Variants in TET1 observed in about 807,000 individuals in gnomAD.
TET1 encodes methylcytosine dioxygenase TET1.
In TET1, 13 loss-of-function variants were observed where a neutral mutation model predicts 148.7. That is an observed-to-expected ratio of 0.09 (90% CI 0.06 to 0.14). The LOEUF (loss-of-function observed/expected upper bound fraction) is 0.14. Ranked by LOEUF, TET1 falls within the 10% of genes least tolerant of loss-of-function variation. TET1 has a pLI of 1.00. For synonymous variants in TET1, 907 were observed against 937.2 expected (o/e 0.97, Z 0.59); for missense variants, 2,182 against 2,553.8 (o/e 0.85, Z 3.14).
Position 68,692,814 on chromosome 10 carries a change from G to T in TET1, c.*1000G>T, listed in dbSNP as rs781717384. The T allele has an allele frequency of 1.3e-5, 3 of 231,582 alleles. No homozygotes were observed. In the East Asian group the frequency reaches 1.8e-4, roughly 14 times the overall value. The allele number at this position is 231,582 out of a possible 1,614,324, so 14.3% of individuals were successfully genotyped here. The stretch of plus-strand genomic sequence containing the variant: ...CCTTTCTCAGTATAATCCATGAGAG[G>T]TGTTTCCAAAAGGAGATGAGGGAAC... On this transcript the variant is annotated 3_prime_UTR_variant, in exon 12 of 12. Coordinates refer to ENST00000373644, the MANE Select transcript of TET1 (RefSeq NM_030625.3).
intron 3 of TET1, among the ~76,000 whole-genome samples, chr10:68,633,670 A>ATCTGC (rs2054610644): frequency 6.6e-6 from 1 of 152,142 alleles, no homozygotes; most frequent in Admixed American, 6.6e-5. Context: ...ACCTCAAGTG[A>ATCTGC]TCTGCTCACC....
chr10:68,601,627 G>T (rs1214445649), intron 3 of TET1, among the ~76,000 whole-genome samples: 2 of 152,112 alleles, frequency 1.3e-5, no homozygotes, highest in Non-Finnish European at 2.9e-5. Context: ...AGTATTAATA[G>T]TAACCTAATT....
Position 68,637,518 on chromosome 10 carries a change from C to CTTTTTT in TET1, c.1969-7164_1969-7159dup, listed in dbSNP as rs34260111. 5.3e-4 allele frequency among the ~76,000 whole-genome samples: 56 copies of CTTTTTT among 106,162 alleles called. 1 individual carries two copies. Among genetic ancestry groups the CTTTTTT allele is most frequent in the Middle Eastern group, 6.3e-3 (1 of 160 alleles). The allele number at this position is 106,162 out of a possible 152,430, so 69.6% of individuals were successfully genotyped here. A position where few individuals can be genotyped will look rare whatever the true frequency, so the allele number is the denominator to read the frequency against. On this transcript the variant is annotated intron_variant, in intron 3 of 11. Transcript: ENST00000373644. The stretch of plus-strand genomic sequence containing the variant: ...GGTGGGTAGCCAGTTGTTTCCTATT[C>CTTTTTT]TTTTTTTTTTTTTTTTTTTTTAAGA...
intron 10 of TET1, 33 bp from the exon 11 acceptor site, chr10:68,686,323 A>C: frequency 6.5e-7 from 1 of 1,538,956 alleles, no homozygotes; most frequent in Non-Finnish European, 8.8e-7. Flanking sequence ...CGACCCGTAT[A>C]TCTTTCCCAT....
intron 3 of TET1, among the ~76,000 whole-genome samples, chr10:68,614,905 T>G (rs868038582): frequency 1.3e-4 from 20 of 151,968 alleles, no homozygotes; most frequent in Middle Eastern, 3.2e-3. Context: ...TTCTCACTTC[T>G]TTCTTGTGTG....
At chr10:68,621,904 G>T (rs2054376768) in intron 3 of TET1, among the ~76,000 whole-genome samples, 3 of 152,094 alleles carry the variant, frequency 2.0e-5, no homozygotes, top group African/African-American at 7.2e-5. Context: ...TCTAAACTGA[G>T]ATAGTTATAT....
chr10:68,580,801 A>AT (rs1554930531), intron 2 of TET1, among the ~76,000 whole-genome samples: 17 of 125,446 alleles, frequency 1.4e-4, no homozygotes, highest in African/African-American at 3.4e-4. Flanking sequence ...AAAAAAAAAA[A>AT]AAAAATATAT....
In TET1 at chr10:68,691,183, C is replaced by G. The variant is rs750055812; in HGVS notation, c.5780C>G (p.Ser1927Cys). ...VMEPLINSEP[S>C]TGVTEPLTPH... ...GAGCCCCTCATTAATTCTGAGCCTT[C>G]CACTGGTGTGACTGAGCCGCTAACG... The change falls in exon 12 of 12, where the codon TCC becomes TGC. Residue 1927 changes from serine to cysteine, a missense_variant. This residue lies in a region of TET1 where 380 missense variants were observed against 387.9 expected (regional missense o/e 0.98). Transcript: ENST00000373644. The surrounding 1 kb of genome is among the most constrained non-coding windows in gnomAD (Gnocchi z 4.4). 5.6e-6 allele frequency: 9 copies of G among 1,614,212 alleles called. No homozygotes were observed. The East Asian group carries it at 1.1e-4, about 20-fold the overall frequency.
intron 6 of TET1, 50 bp downstream of exon 6, chr10:68,652,644 T>C: frequency 1.6e-6 from 2 of 1,259,936 alleles, no homozygotes; most frequent in Non-Finnish European, 2.3e-6. Flanking sequence ...ATTCCAGAGC[T>C]GATATTTATA....
At chr10:68,580,428 A>G (rs1009005593) in intron 2 of TET1, among the ~76,000 whole-genome samples, 3 of 135,328 alleles carry the variant, frequency 2.2e-5, no homozygotes, top group African/African-American at 8.4e-5. Context: ...CAAGTCATTC[A>G]CCCACCTCAG....
intron 2 of TET1, among the ~76,000 whole-genome samples, chr10:68,597,810 G>GCT (rs1293094156): frequency 2.6e-5 from 4 of 152,172 alleles, no homozygotes; most frequent in African/African-American, 9.7e-5. Flanking sequence ...GATGAACCTT[G>GCT]TAAATATTAT....
At position 68,645,027 on chromosome 10, in the gene TET1, A is replaced by G. The variant is rs145075553; in HGVS notation, c.2298A>G (p.Leu766=). The part of the protein sequence containing the change: ...VRNGIKHVHC[L]PAETNVSFKK... ...ATGGCATTAAACATGTACACTGTTTACCAGCTGAAACAAATGTTTCATTTA... is the reference window on the plus strand; with the variant it reads ...ATGGCATTAAACATGTACACTGTTTGCCAGCTGAAACAAATGTTTCATTTA... Residue 766 remains leucine, a synonymous_variant, in exon 4 of 12, where the codon TTA becomes TTG. Coordinates refer to ENST00000373644, the MANE Select transcript of TET1 (RefSeq NM_030625.3). The G allele has an allele frequency of 5.1e-5, 83 of 1,613,358 alleles. 1 individual carries two copies. The African/African-American group carries it at 1.0e-3, about 20-fold the overall frequency.
At chr10:68,672,184 G>A (rs1018595715) in intron 7 of TET1, among the ~76,000 whole-genome samples, 1 of 151,890 alleles carries the variant, frequency 6.6e-6, no homozygotes, top group African/African-American at 2.4e-5. Context: ...ACAAATCCAG[G>A]ATTTAAAACC....
intron 2 of TET1, among the ~76,000 whole-genome samples, chr10:68,575,229 C>A (rs1323605553): frequency 1.3e-5 from 2 of 151,832 alleles, no homozygotes; most frequent in African/African-American, 4.8e-5. Context: ...ACTAAAAACA[C>A]AAAAATTAGC....
chr10:68,673,963 T>TTTC (rs1554811643), intron 8 of TET1, among the ~76,000 whole-genome samples: 1 of 128,986 alleles, frequency 7.8e-6, no homozygotes, highest in African/African-American at 3.9e-5. Context: ...TCTTTTTCTT[T>TTTC]TTTTTTTTTT....
chr10:68,662,377 T>C (rs7896563), intron 6 of TET1, among the ~76,000 whole-genome samples: 27,657 of 152,028 alleles, frequency 0.18, 3,130 homozygotes, highest in African/African-American at 0.31. Flanking sequence ...TCATTGTACA[T>C]CTAAGGTGAA....
intron 8 of TET1, chr10:68,675,120 T>C (rs907953124): frequency 9.0e-5 from 40 of 441,992 alleles, no homozygotes; most frequent in African/African-American, 5.2e-4. Flanking sequence ...TTCAGACTTA[T>C]AGTAGTGGCA....
intron 1 of TET1, among the ~76,000 whole-genome samples, chr10:68,561,057 G>T (rs1171635782): frequency 1.3e-5 from 2 of 152,210 alleles, no homozygotes; most frequent in African/African-American, 2.4e-5. Flanking sequence ...CCGGGCTGCG[G>T]TGGAAGCGGG....
At chr10:68,638,159 G>C (rs1360752047) in intron 3 of TET1, among the ~76,000 whole-genome samples, 3 of 152,176 alleles carry the variant, frequency 2.0e-5, no homozygotes, top group Non-Finnish European at 4.4e-5. Flanking sequence ...TTGCAGAACA[G>C]GGCCTGACCT....
Sources: allele counts gnomAD v4.1 joint callset (sites outside exome capture counted in the v4.1 genomes callset), GRCh38; gene constraint gnomAD v4.1.1; regional missense constraint gnomAD v4.1.1; non-coding constraint Gnocchi (gnomAD v3.1); transcripts MANE v1.5; gene names NCBI Gene and HGNC (gene_info 2026-07-23, HGNC 2026-07-21).